Variants in ACSM3 observed in about 807,000 individuals in gnomAD.
ACSM3 encodes the protein acyl-CoA synthetase medium chain family member 3.
Under a neutral mutation model 74.1 loss-of-function variants are expected in ACSM3, and 61 were observed. The ratio of observed to expected loss-of-function variants is 0.82; its 90% confidence interval spans 0.67 to 1.02. ACSM3 has a LOEUF of 1.02. Among genes scored for constraint, ACSM3 ranks in the 50% least tolerant of loss-of-function variants. The pLI, the probability that ACSM3 is intolerant of heterozygous loss-of-function variation, is 0.00. For synonymous variants in ACSM3, 213 were observed against 241.5 expected, an observed-to-expected ratio of 0.88 and a Z score of 1.09; for missense variants, 660 against 697.0, an observed-to-expected ratio of 0.95 and a Z score of 0.60.
At chr16:20,786,297 T>C (rs955950148) in intron 9 of ACSM3, 139 bp downstream of exon 9, 2 of 1,401,210 alleles carry the variant, frequency 1.4e-6, no homozygotes, top group South Asian at 1.6e-5. Context: ...TTTATAAATA[T>C]GTGAAAATGA....
In ACSM3 at chr16:20,702,527, C is replaced by T. The variant is rs746783198; in HGVS notation, c.-190+27705C>T. ...TTCTGACTGACGTGAGATGGTATCT[C>T]ATTGTGATTTTGATTTGCATTTCTC... On this transcript the variant is annotated intron_variant, in intron 1 of 3. Transcript: ENST00000561584. 5.3e-4 allele frequency among the ~76,000 whole-genome samples: 80 copies of T among 152,312 alleles called. 1 individual carries two copies. Among genetic ancestry groups the T allele is most frequent in the South Asian group, 3.3e-3 (16 of 4,822 alleles).
chr16:20,745,545 G>A (rs1487009793), intron 1 of ACSM3, among the ~76,000 whole-genome samples: 2 of 151,892 alleles, frequency 1.3e-5, no homozygotes, highest in Non-Finnish European at 2.9e-5. Context: ...TCGTGCCACT[G>A]CACTCCAGCC....
chr16:20,731,669 T>A (rs983054), intron 1 of ACSM3: 1 of 395,060 alleles, frequency 2.5e-6, no homozygotes, highest in Non-Finnish European at 4.6e-6. Context: ...TCCTACAGCC[T>A]AGAGAAATTA....
chr16:20,739,181 T>A, intron 1 of ACSM3: 1 of 1,123,312 alleles, frequency 8.9e-7, no homozygotes, highest in Non-Finnish European at 1.2e-6. Flanking sequence ...TATTGATTTT[T>A]TTTTTTTTTC....
intron 1 of ACSM3, chr16:20,721,221 T>C (rs2079784032): frequency 6.6e-6 from 1 of 152,252 alleles, no homozygotes; most frequent in South Asian, 2.1e-4. Flanking sequence ...TTTTCGGATG[T>C]CTTGTTCATC....
At chr16:20,731,747 T>G (rs2079831803) in intron 1 of ACSM3, 1 of 347,236 alleles carries the variant, frequency 2.9e-6, no homozygotes, top group Non-Finnish European at 5.2e-6. Context: ...AAAGTAAGTA[T>G]TTTGTCCAAA....
intron 1 of ACSM3, among the ~76,000 whole-genome samples, chr16:20,688,929 C>T (rs1466882816): frequency 6.7e-6 from 1 of 149,440 alleles, no homozygotes; most frequent in African/African-American, 2.4e-5. Context: ...ATTTAAAAAA[C>T]AAATCATAAA....
At chr16:20,728,583 A>G (rs2079815082) in intron 1 of ACSM3, 2 of 459,234 alleles carry the variant, frequency 4.4e-6, no homozygotes, top group Non-Finnish European at 3.9e-6. Context: ...CAGGCAAGCA[A>G]CAAAATCTAT....
At position 20,781,017 on chromosome 16, in the gene ACSM3, T is replaced by G. The variant is rs1292258180; in HGVS notation, c.826T>G (p.Ser276Ala). 6.2e-7 allele frequency: 1 copy of G among 1,614,204 alleles called. No individual in the cohort carries two copies. Among genetic ancestry groups the G allele is most frequent in the Admixed American group, 1.7e-5 (1 of 60,020 alleles). The change falls in exon 6 of 14, where the codon TCA becomes GCA. Residue 276 changes from serine to alanine, a missense_variant. Coordinates refer to ENST00000289416, the MANE Select transcript of ACSM3 (RefSeq NM_005622.4). ...LTPSDVMWNT[S>A]DTGWAKSAWS... Reference sequence around the variant, plus strand: ...ACCCTCAGATGTGATGTGGAATACCTCAGATACGGGCTGGGCAAAGTCTGC... The same window carrying G: ...ACCCTCAGATGTGATGTGGAATACCGCAGATACGGGCTGGGCAAAGTCTGC...
intron 4 of ACSM3, chr16:20,779,874 C>T (rs371082860): frequency 1.5e-5 from 3 of 205,330 alleles, no homozygotes; most frequent in African/African-American, 4.7e-5. Flanking sequence ...CTGGTTCAAG[C>T]GATTCTCAGC....
chr16:20,701,631 C>T (rs951508682), intron 1 of ACSM3, among the ~76,000 whole-genome samples: 2 of 152,084 alleles, frequency 1.3e-5, no homozygotes, highest in African/African-American at 2.4e-5. Context: ...CCTATCAATC[C>T]GTCATCTAGG....
intron 4 of ACSM3, among the ~76,000 whole-genome samples, chr16:20,778,757 C>CTT (rs376175401): frequency 1.4e-5 from 2 of 146,548 alleles, no homozygotes; most frequent in Admixed American, 6.8e-5. Context: ...GCTATAGATA[C>CTT]TTTTTTTTTT....
intron 1 of ACSM3, chr16:20,721,602 G>C (rs2079785827): frequency 6.6e-6 from 1 of 152,208 alleles, no homozygotes; most frequent in Admixed American, 6.5e-5. Context: ...CAGGGGTGGA[G>C]GCTCAATTTG....
chr16:20,784,867 G>A, intron 7 of ACSM3, 117 bp from the exon 8 acceptor site: 4 of 1,108,158 alleles, frequency 3.6e-6, no homozygotes, highest in African/African-American at 1.6e-5. Context: ...TTGTGCTAGG[G>A]AGAGGAATTA....
chr16:20,718,383 A>G (rs2079773128), intron 1 of ACSM3: 3 of 955,170 alleles, frequency 3.1e-6, no homozygotes, highest in Non-Finnish European at 4.2e-6. Context: ...GTGTGGAAAC[A>G]GGAAGTCAAG....
At chr16:20,737,836 A>T (rs367967287) in intron 1 of ACSM3, 4 of 1,613,814 alleles carry the variant, frequency 2.5e-6, no homozygotes, top group African/African-American at 1.3e-5. Flanking sequence ...ATATTTTTTC[A>T]TATCTTCTAA....
chr16:20,741,481 G>GGGGGGGGGCCCCCCCCCCCCCCCC, intron 1 of ACSM3: 1 of 1,308,412 alleles, frequency 7.6e-7, no homozygotes, highest in Non-Finnish European at 9.9e-7. Flanking sequence ...CTGGCAGCCG[G>GGGGGGGGGCCCCCCCCCCCCCCCC]CCCGCCCGCC....
chr16:20,711,458 T>A, intron 1 of ACSM3: 2 of 1,172,978 alleles, frequency 1.7e-6, no homozygotes, highest in Non-Finnish European at 2.4e-6. Flanking sequence ...CGGTTCTGTT[T>A]AGTGTCCTTC....
At chr16:20,745,532 A>T (rs2079953986) in intron 1 of ACSM3, among the ~76,000 whole-genome samples, 1 of 152,138 alleles carries the variant, frequency 6.6e-6, no homozygotes, top group African/African-American at 2.4e-5. Context: ...CAGTGAGCTG[A>T]AATCGTGCCA....
Sources: gnomAD v4.1 joint callset for allele counts (sites outside exome capture counted in the v4.1 genomes callset) on GRCh38, gnomAD v4.1.1 for gene constraint, MANE v1.5 for transcripts, NCBI Gene and HGNC (gene_info 2026-07-23, HGNC 2026-07-21) for gene names.